The following CNTN5 variants were observed in gnomAD, a reference collection of about 807,000 sequenced individuals.
CNTN5 encodes contactin-5.
Under a neutral mutation model 129.1 loss-of-function variants are expected in CNTN5, and 77 were observed. The observed-to-expected ratio is 0.60, with a 90% CI of 0.50 to 0.72. The LOEUF (loss-of-function observed/expected upper bound fraction) is 0.72. CNTN5 is among the 30% of genes least tolerant of loss of function. The probability of loss-of-function intolerance (pLI) is 0.00; values close to 1 mark genes in which losing one functional copy is unlikely to be tolerated. For missense variants in CNTN5, 1,478 were observed against 1,328.8 expected (o/e 1.11, Z -1.75); for synonymous variants, 509 against 465.6 (o/e 1.09, Z -1.20).
chr11:99,635,187 G>A (rs973894105), intron 3 of CNTN5, among the ~76,000 whole-genome samples: 2 of 151,978 alleles, frequency 1.3e-5, no homozygotes, highest in Non-Finnish European at 2.9e-5. Flanking sequence ...CAACATGTAG[G>A]TTACTTATGT....
chr11:99,862,566 A>G (rs1948240989), intron 6 of CNTN5, among the ~76,000 whole-genome samples: 2 of 152,140 alleles, frequency 1.3e-5, no homozygotes, highest in South Asian at 2.1e-4. Context: ...CTAAAATCTG[A>G]CTTTGTTGTC....
chr11:99,337,525 G>GT (rs1287206647), intron 2 of CNTN5, among the ~76,000 whole-genome samples: 1 of 152,168 alleles, frequency 6.6e-6, no homozygotes, highest in Non-Finnish European at 1.5e-5. Context: ...TTGCTCATAC[G>GT]TTTGTTTGCG....
At chr11:99,569,644 G>T (rs909105982) in intron 3 of CNTN5, among the ~76,000 whole-genome samples, 1 of 152,076 alleles carries the variant, frequency 6.6e-6, no homozygotes, top group African/African-American at 2.4e-5. Context: ...CTATTGTGTG[G>T]CTTTCTTATC....
At chr11:99,915,255 G>A (rs552665845) in intron 6 of CNTN5, among the ~76,000 whole-genome samples, 1 of 152,130 alleles carries the variant, frequency 6.6e-6, no homozygotes, top group East Asian at 1.9e-4. Flanking sequence ...TAAGTACTGA[G>A]ATATAAATAG....
intron 6 of CNTN5, among the ~76,000 whole-genome samples, chr11:99,904,288 C>T (rs895786726): frequency 3.3e-5 from 5 of 151,604 alleles, no homozygotes; most frequent in African/African-American, 7.3e-5. Context: ...TAGCACCCAA[C>T]CCCCCTCCCC....
At chr11:99,924,891 G>A (rs528164203) in intron 7 of CNTN5, among the ~76,000 whole-genome samples, 96 of 152,208 alleles carry the variant, frequency 6.3e-4, no homozygotes, top group Middle Eastern at 6.8e-3. Flanking sequence ...ATTTGAAGAA[G>A]TAAGGGTGTG....
chr11:99,271,160 T>C (rs762095747), intron 1 of CNTN5, among the ~76,000 whole-genome samples: 2 of 151,944 alleles, frequency 1.3e-5, no homozygotes, highest in Non-Finnish European at 2.9e-5. Flanking sequence ...AAAATTAATT[T>C]GCACCTCAGG....
At chr11:99,264,892 T>C (rs1862815635) in intron 1 of CNTN5, among the ~76,000 whole-genome samples, 1 of 152,096 alleles carries the variant, frequency 6.6e-6, no homozygotes, top group South Asian at 2.1e-4. Context: ...GGATAGGTAA[T>C]ATTGCTACTT....
intron 23 of CNTN5, among the ~76,000 whole-genome samples, chr11:100,347,350 CACTCTAAATAGGAG>C (rs1208027228): frequency 1.3e-5 from 2 of 152,178 alleles, no homozygotes; most frequent in Non-Finnish European, 2.9e-5. Flanking sequence ...ATCTTATATT[CACTCTAAATAGGAG>C]ACTCAGCCTT....
At chr11:99,136,130 T>C (rs996860875) in intron 1 of CNTN5, among the ~76,000 whole-genome samples, 1 of 152,164 alleles carries the variant, frequency 6.6e-6, no homozygotes, top group African/African-American at 2.4e-5. Flanking sequence ...GTATTCTAAT[T>C]ATACTCTTAC....
At chr11:99,080,172 A>G (rs1865732395) in intron 1 of CNTN5, among the ~76,000 whole-genome samples, 1 of 152,228 alleles carries the variant, frequency 6.6e-6, no homozygotes, top group East Asian at 1.9e-4. Context: ...GAGAAAAATA[A>G]AGGCAATTGC....
intron 3 of CNTN5, among the ~76,000 whole-genome samples, chr11:99,816,889 A>G (rs1946605037): frequency 6.6e-6 from 1 of 152,058 alleles, no homozygotes; most frequent in Non-Finnish European, 1.5e-5. Flanking sequence ...AGGTTTTTAT[A>G]TATTTTCTTC....
intron 3 of CNTN5, among the ~76,000 whole-genome samples, chr11:99,628,089 C>A (rs1951194988): frequency 6.6e-6 from 1 of 151,790 alleles, no homozygotes; most frequent in African/African-American, 2.4e-5. Context: ...TACACAAGGT[C>A]TCTTGCAGCC....
chr11:99,380,250 T>G (rs998623839), intron 2 of CNTN5, among the ~76,000 whole-genome samples: 3 of 152,164 alleles, frequency 2.0e-5, no homozygotes, highest in Admixed American at 1.3e-4. Context: ...TTTCAGAGAA[T>G]ACTACACACT....
In CNTN5 at chr11:99,810,177, T is replaced by C. The variant is rs185956255; in HGVS notation, c.56-9367T>C. ...TAAAAGTCTATAATACCCAGTTTAA[T>C]TTGTAACAATGTTCATGCTCTATCT... On this transcript the variant is annotated intron_variant, in intron 3 of 24. Transcript: ENST00000524871. Among the ~76,000 whole-genome samples the C allele has an allele frequency of 4.6e-3, 706 of 152,278 alleles. 10 individuals carry two copies. Among genetic ancestry groups the C allele is most frequent in the Non-Finnish European group, 3.6e-3 (246 of 68,000 alleles).
intron 2 of CNTN5, among the ~76,000 whole-genome samples, chr11:99,431,013 T>C (rs984223802): frequency 1.0e-4 from 15 of 144,758 alleles, no homozygotes; most frequent in African/African-American, 2.0e-4. Flanking sequence ...TTTTTTTTTT[T>C]CCTCTCATTT....
intron 3 of CNTN5, among the ~76,000 whole-genome samples, chr11:99,585,813 T>G (rs1001568682): frequency 6.6e-6 from 1 of 152,202 alleles, no homozygotes; most frequent in Non-Finnish European, 1.5e-5. Flanking sequence ...TGAAACATTT[T>G]GTAATTCATA....
chr11:99,437,591 G>T lies in CNTN5; in HGVS notation c.-71+112107G>T, dbSNP rs535742773. 9.9e-5 allele frequency among the ~76,000 whole-genome samples: 15 copies of T among 152,276 alleles called. No homozygotes were observed. In the South Asian group the frequency reaches 3.1e-3, roughly 32 times the overall value. Reference sequence around the variant, plus strand: ...GCCTGTAATCCCAGCACTTTGGGAGGCTGAGGCGGGTGGATCACCTGAGGT... The same window carrying T: ...GCCTGTAATCCCAGCACTTTGGGAGTCTGAGGCGGGTGGATCACCTGAGGT... On this transcript the variant is annotated intron_variant, in intron 2 of 24. Transcript: ENST00000524871.
At chr11:100,010,423 C>T (rs971977568) in intron 9 of CNTN5, among the ~76,000 whole-genome samples, 1 of 152,064 alleles carries the variant, frequency 6.6e-6, no homozygotes, top group Non-Finnish European at 1.5e-5. Context: ...AATGAAGCCT[C>T]TCCTGAAAGT....
Sources: allele counts gnomAD v4.1 joint callset (sites outside exome capture counted in the v4.1 genomes callset), GRCh38; gene constraint gnomAD v4.1.1; transcripts MANE v1.5; gene names NCBI Gene and HGNC (gene_info 2026-07-23, HGNC 2026-07-21).